TENM3: variants seen among roughly 807,000 people sequenced by gnomAD.
TENM3 encodes teneurin transmembrane protein 3.
Under a neutral mutation model 255.1 loss-of-function variants are expected in TENM3, and 63 were observed. The observed-to-expected ratio is 0.25, with a 90% CI of 0.20 to 0.30. TENM3 has a LOEUF of 0.30. Among genes scored for constraint, TENM3 ranks in the 10% least tolerant of loss-of-function variants. The pLI, the probability that TENM3 is intolerant of heterozygous loss-of-function variation, is 1.00. For missense variants in TENM3, 2,929 were observed against 3,461.1 expected (o/e 0.85, Z 3.86); for synonymous variants, 1,306 against 1,322.3 (o/e 0.99, Z 0.27).
the TENM3 span, among the ~76,000 whole-genome samples, chr4:181,628,471 G>T: frequency 1.3e-5 from 2 of 152,078 alleles, no homozygotes; most frequent in African/African-American, 4.8e-5. Flanking sequence ...TTTTAGGTCT[G>T]ACATTTAAGT....
At chr4:181,522,318 G>C in the TENM3 span, among the ~76,000 whole-genome samples, 1 of 152,074 alleles carries the variant, frequency 6.6e-6, no homozygotes, top group African/African-American at 2.4e-5. Flanking sequence ...CCTGGTCAAA[G>C]AGAGAGGTTA....
At chr4:182,777,849 A>G (rs1233775972) in intron 24 of TENM3, among the ~76,000 whole-genome samples, 1 of 129,808 alleles carries the variant, frequency 7.7e-6, no homozygotes, top group Non-Finnish European at 1.5e-5. Context: ...ATATATATAT[A>G]TGCTGTTATA....
chr4:181,625,232 C>A, the TENM3 span, among the ~76,000 whole-genome samples: 2 of 152,154 alleles, frequency 1.3e-5, no homozygotes, highest in Non-Finnish European at 2.9e-5. Flanking sequence ...TGGGATGATC[C>A]CTGGCTTTGG....
chr4:181,646,682 CACA>C, the TENM3 span, among the ~76,000 whole-genome samples: 1 of 152,100 alleles, frequency 6.6e-6, no homozygotes, highest in Non-Finnish European at 1.5e-5. Context: ...AGTGCAGGAC[CACA>C]ACAAGCGACA....
At chr4:181,542,013 A>T in the TENM3 span, among the ~76,000 whole-genome samples, 1 of 152,334 alleles carries the variant, frequency 6.6e-6, no homozygotes, top group South Asian at 2.1e-4. Context: ...CTGAGTATCA[A>T]CGACATGGCA....
chr4:181,775,915 G>A, the TENM3 span, among the ~76,000 whole-genome samples: 8 of 152,002 alleles, frequency 5.3e-5, no homozygotes, highest in African/African-American at 9.7e-5. Flanking sequence ...TCATTTTTAC[G>A]TGTTGGGAGT....
the TENM3 span, among the ~76,000 whole-genome samples, chr4:181,730,191 T>C: frequency 6.6e-6 from 1 of 152,140 alleles, no homozygotes; most frequent in South Asian, 2.1e-4. Context: ...ATATAACATA[T>C]AGCCCATGTG....
intron 1 of TENM3, among the ~76,000 whole-genome samples, chr4:182,276,730 T>G (rs1172062818): frequency 6.6e-6 from 1 of 152,240 alleles, no homozygotes; most frequent in Non-Finnish European, 1.5e-5. Context: ...TTAGGTTATC[T>G]GATTTCCTAT....
the TENM3 span, among the ~76,000 whole-genome samples, chr4:181,868,718 G>A: frequency 6.6e-6 from 1 of 152,104 alleles, no homozygotes; most frequent in Non-Finnish European, 1.5e-5. Context: ...GATTTTGCAT[G>A]GTTTCTCAAA....
intron 1 of TENM3, among the ~76,000 whole-genome samples, chr4:182,266,805 G>A (rs1222023080): frequency 1.3e-5 from 2 of 152,116 alleles, no homozygotes; most frequent in African/African-American, 2.4e-5. Context: ...TTTAGTGTAT[G>A]TTATTAATAA....
At chr4:182,408,033 T>G (rs1368545050) in intron 3 of TENM3, among the ~76,000 whole-genome samples, 1 of 152,212 alleles carries the variant, frequency 6.6e-6, no homozygotes. Context: ...CACCTGTCAT[T>G]TCTTTCTTTA....
chr4:182,002,345 T>G, the TENM3 span, among the ~76,000 whole-genome samples: 1 of 152,080 alleles, frequency 6.6e-6, no homozygotes, highest in South Asian at 2.1e-4. Context: ...AAAGAGCTTC[T>G]CCCTTTAGGT....
chr4:182,567,187 CAT>C (rs1192033509), intron 3 of TENM3, among the ~76,000 whole-genome samples: 1 of 152,148 alleles, frequency 6.6e-6, no homozygotes, highest in Non-Finnish European at 1.5e-5. Context: ...GATGGGATAA[CAT>C]AGAAGATTTT....
chr4:181,973,073 G>A, the TENM3 span, among the ~76,000 whole-genome samples: 1 of 152,196 alleles, frequency 6.6e-6, no homozygotes, highest in Non-Finnish European at 1.5e-5. Flanking sequence ...ATGACAGCCA[G>A]GGCTTTTATA....
chr4:182,514,710 G>A (rs1419368104), intron 3 of TENM3, among the ~76,000 whole-genome samples: 1 of 151,892 alleles, frequency 6.6e-6, no homozygotes, highest in Non-Finnish European at 1.5e-5. Flanking sequence ...TACTAAAAGG[G>A]CACAACTCAC....
the TENM3 span, among the ~76,000 whole-genome samples, chr4:181,515,294 T>C: frequency 1.3e-5 from 2 of 152,212 alleles, no homozygotes; most frequent in Admixed American, 6.5e-5. Flanking sequence ...TGCAAGTGGT[T>C]GGGACAGGTT....
the TENM3 span, among the ~76,000 whole-genome samples, chr4:181,725,764 T>C: frequency 2.2e-4 from 34 of 152,186 alleles, no homozygotes; most frequent in Non-Finnish European, 4.1e-4. Flanking sequence ...TTTTAATGAT[T>C]TATTCTTTGT....
At chr4:182,610,129 AAG>A (rs557252221) in intron 4 of TENM3, among the ~76,000 whole-genome samples, 248 of 152,340 alleles carry the variant, frequency 1.6e-3, no homozygotes, top group African/African-American at 5.6e-3. Flanking sequence ...AATATTTAAA[AAG>A]AGAATTTGTT....
chr4:182,359,322 G>A (rs1765792532), intron 3 of TENM3, among the ~76,000 whole-genome samples: 2 of 152,118 alleles, frequency 1.3e-5, no homozygotes, highest in African/African-American at 4.8e-5. Context: ...ACCTCTGGGA[G>A]AATTCGGCTG....
Sources: allele counts gnomAD v4.1 joint callset (sites outside exome capture counted in the v4.1 genomes callset), GRCh38; gene constraint gnomAD v4.1.1; transcripts MANE v1.5; gene names NCBI Gene and HGNC (gene_info 2026-07-23, HGNC 2026-07-21).